SYNE1: variants seen among roughly 807,000 people sequenced by gnomAD.
SYNE1 encodes the protein spectrin repeat containing nuclear envelope protein 1.
Under a neutral mutation model 1,111.0 loss-of-function variants are expected in SYNE1, and 616 were observed. The ratio of observed to expected loss-of-function variants is 0.55; its 90% CI spans 0.52 to 0.59. The LOEUF (loss-of-function observed/expected upper bound fraction) is 0.59, where lower values mean the gene tolerates loss of function less well. SYNE1 is among the 20% of genes least tolerant of loss of function. The pLI is 0.00. For missense variants in SYNE1, 10,006 were observed against 10,417.0 expected (o/e 0.96, Z 1.72); for synonymous variants, 3,855 against 3,825.8 (o/e 1.01, Z -0.28).
chr6:152,250,631 T>C (rs2088902733), intron 104 of SYNE1, among the ~76,000 whole-genome samples: 2 of 152,202 alleles, frequency 1.3e-5, no homozygotes, highest in Admixed American at 1.3e-4. Context: ...GTCTAGTGGC[T>C]AACTAAATAG....
intron 99 of SYNE1, 141 bp from the exon 100 acceptor site, chr6:152,268,306 T>C (rs555555685): frequency 2.1e-5 from 15 of 698,208 alleles, no homozygotes; most frequent in Non-Finnish European, 3.6e-5. Context: ...ATGAGGTTTA[T>C]GTAAATATTC....
At chr6:152,325,378 T>C in intron 80 of SYNE1, 76 bp from the exon 81 acceptor site, 3 of 1,450,798 alleles carry the variant, frequency 2.1e-6, no homozygotes, top group Non-Finnish European at 2.9e-6. Context: ...TCTATGGATC[T>C]TGGTAAAGCC....
intron 39 of SYNE1, among the ~76,000 whole-genome samples, chr6:152,423,472 C>G (rs941987826): frequency 2.0e-5 from 3 of 152,232 alleles, no homozygotes; most frequent in African/African-American, 7.2e-5. Flanking sequence ...TACATTGACT[C>G]TGCACTCTTC....
At chr6:152,279,612 G>T (rs1049439685) in intron 97 of SYNE1, among the ~76,000 whole-genome samples, 2 of 151,796 alleles carry the variant, frequency 1.3e-5, no homozygotes, top group East Asian at 1.9e-4. Flanking sequence ...CCGCACTTGC[G>T]GGGCTGAGGT....
Position 152,236,873 on chromosome 6 carries a change from C to T in SYNE1, c.20143G>A (p.Val6715Met), listed in dbSNP as rs145185413. The change falls in exon 109 of 146, where the codon GTG (valine) becomes ATG (methionine). Residue 6715 changes from valine (V) to methionine (M), a missense_variant. Physicochemically the swap from Val to Met is conservative, Grantham distance 21 (BLOSUM62 1). Transcript: ENST00000367255. The stretch of plus-strand genomic sequence containing the variant: ...TCCTCGTTCTCCTCCACCAGACCCA[C>T]GCTTGGGATGCTGCTTTCCACCACC... ...LEVVESSIPSVGLVEENEDRL... is the reference protein window; with the variant it reads ...LEVVESSIPSMGLVEENEDRL... 3.1e-5 allele frequency: 50 copies of T among 1,614,070 alleles called. No individual in the cohort carries two copies. The highest frequency in any genetic ancestry group is 1.1e-4 in the African/African-American group (8 of 74,928).
At chr6:152,303,608 C>T (rs1254318937) in intron 91 of SYNE1, among the ~76,000 whole-genome samples, 5 of 151,860 alleles carry the variant, frequency 3.3e-5, no homozygotes. Context: ...ACAGATATTC[C>T]AGTTTCTGAT....
chr6:152,346,606 C>T (rs947654875), intron 73 of SYNE1, among the ~76,000 whole-genome samples: 1 of 152,014 alleles, frequency 6.6e-6, no homozygotes, highest in African/African-American at 2.4e-5. Context: ...GTCAGGAGAT[C>T]GAAACCATCC....
Position 152,331,141 on chromosome 6 carries a change from G to A in SYNE1, c.13544C>T (p.Ala4515Val). 1.2e-6 allele frequency: 2 copies of A among 1,613,968 alleles called. No individual in the cohort carries two copies. The highest frequency in any genetic ancestry group is 1.1e-5 in the South Asian group (1 of 91,064). The change falls in exon 78 of 146, where the codon GCC becomes GTC. Residue 4515 changes from alanine (A) to valine (V), a missense_variant. Transcript: ENST00000367255. The part of the protein sequence containing the change: ...TYQNEVTGLW[A>V]QGRELMKEVT... ...TTCCTTCATTAGTTCGCGACCCTGG[G>A]CCCAAAGTCCAGTGACTTCATTTTG...
At chr6:152,379,600 T>C (rs1312237727) in intron 56 of SYNE1, among the ~76,000 whole-genome samples, 1 of 152,138 alleles carries the variant, frequency 6.6e-6, no homozygotes, top group Non-Finnish European at 1.5e-5. Flanking sequence ...ATCTCCACTT[T>C]TAGATAAAAT....
chr6:152,544,118 T>C (rs895108707), intron 3 of SYNE1, among the ~76,000 whole-genome samples: 1 of 152,234 alleles, frequency 6.6e-6, no homozygotes, highest in Non-Finnish European at 1.5e-5. Context: ...AGAAGAGTTA[T>C]GAGAATTCAG....
rs2098419610 is a variant in SYNE1 at position 152,430,560 on chromosome 6, T to A, written c.4611A>T (p.Arg1537=). ...TTCCTTCCAGACACTGTGCATGCTC[T>A]CGAAGCTCTTCCCCGTATCTTCTTA... is the stretch of plus-strand genomic sequence containing the variant. ...TQIRRYGEEL[R]EHAQCLEGTI... is the part of the protein sequence containing the mutation. The change falls in exon 35 of 146, where the codon CGA becomes CGT. Residue 1537 remains arginine, a synonymous_variant. Coordinates refer to ENST00000367255, the MANE Select transcript of SYNE1 (RefSeq NM_182961.4). 6.2e-7 allele frequency: 1 copy of A among 1,614,050 alleles called. No individual in the cohort carries two copies. Among genetic ancestry groups the A allele is most frequent in the African/African-American group, 1.3e-5 (1 of 74,948 alleles).
rs777618601 is a variant in SYNE1 at position 152,225,801 on chromosome 6, T to G, written c.21271A>C (p.Asn7091His). Residue 7091 changes from asparagine (N) to histidine (H), a missense_variant, in exon 116 of 146, where the codon AAC becomes CAC. Physicochemically the swap from Asn to His is moderately conservative, Grantham distance 68. Transcript: ENST00000367255. The part of the protein sequence containing the change: ...IEQNGLALIQ[N>H]KKEDVSSIVM... ...ATGCTAGAGACGTCTTCTTTCTTGT[T>G]CTGAATCAAAGCAAGTCCATTCTGC... 5.6e-6 allele frequency: 9 copies of G among 1,613,988 alleles called. No individual in the cohort carries two copies. The Admixed American group carries it at 6.7e-5, about 12-fold the overall frequency.
chr6:152,580,016 T>C (rs1367928814), intron 3 of SYNE1, among the ~76,000 whole-genome samples: 1 of 151,996 alleles, frequency 6.6e-6, no homozygotes, highest in African/African-American at 2.4e-5. Flanking sequence ...TTATATTCAT[T>C]TGGGTATATA....
In SYNE1 at chr6:152,447,621, T is replaced by A. The variant is rs750101869; in HGVS notation, c.3506A>T (p.Glu1169Val). Residue 1169 changes from glutamate (E) to valine (V), a missense_variant and splice_region_variant, in exon 29 of 146, where the codon GAG becomes GTG. By Grantham distance (121) the Glu-to-Val change is moderately radical (BLOSUM62 -2). This residue lies in a region of SYNE1 where 1,971 missense variants were observed against 2,084.1 expected (regional missense o/e 0.95). Coordinates refer to ENST00000367255, the MANE Select transcript of SYNE1 (RefSeq NM_182961.4). ...CCTTTTGGTAACACCATTTCTGATC[T>A]CCTGAAATGAGAGAACACTTTTGAT... ...NHGEVKRAVE[E>V]IRNGVTKRGE... 2.3e-5 allele frequency: 37 copies of A among 1,614,030 alleles called. No individual in the cohort carries two copies. In the Admixed American group the frequency reaches 6.2e-4, roughly 27 times the overall value.
intron 104 of SYNE1, among the ~76,000 whole-genome samples, chr6:152,252,308 AAAAT>A (rs766186394): frequency 1.4e-4 from 21 of 150,670 alleles, no homozygotes; most frequent in African/African-American, 3.2e-4. Context: ...AATAAATAAT[AAAAT>A]AAATAAAATC....
At chr6:152,352,429 GT>G (rs2154040665) in intron 69 of SYNE1, 76 bp from the exon 70 acceptor site, 2 of 1,448,076 alleles carry the variant, frequency 1.4e-6, no homozygotes, top group Non-Finnish European at 1.9e-6. Context: ...TTGAGATGGA[GT>G]TTCACTTTGT....
rs2079449416 is a variant in SYNE1 at position 152,219,087 on chromosome 6, T to A, written c.21960A>T (p.Ser7320=). Residue 7320 remains serine, a synonymous_variant, in exon 120 of 146, where the codon TCA becomes TCT. Transcript: ENST00000367255. Reference sequence around the variant, plus strand: ...AAGAGAGTTGATCCGATTGAATAGCTGATGCTGCGGAAGCATCCACTTGTT... The same window carrying A: ...AAGAGAGTTGATCCGATTGAATAGCAGATGCTGCGGAAGCATCCACTTGTT... ...LKQQVDASAA[S]AIQSDQLSLS... 1.2e-6 allele frequency: 2 copies of A among 1,614,054 alleles called. No homozygotes were observed. The highest frequency in any genetic ancestry group is 1.7e-5 in the Admixed American group (1 of 60,010).
chr6:152,500,776 C>T (rs1423999426), intron 10 of SYNE1, among the ~76,000 whole-genome samples: 3 of 151,964 alleles, frequency 2.0e-5, no homozygotes, highest in East Asian at 1.9e-4. Flanking sequence ...AGTGAAACCC[C>T]GTCTCCACTA....
intron 3 of SYNE1, among the ~76,000 whole-genome samples, chr6:152,582,387 C>T (rs1227955043): frequency 3.3e-5 from 5 of 152,068 alleles, no homozygotes; most frequent in African/African-American, 1.2e-4. Flanking sequence ...CCTAGTCCCA[C>T]TCACCCCCTA....
Sources: gnomAD v4.1 joint callset for allele counts (sites outside exome capture counted in the v4.1 genomes callset) on GRCh38, gnomAD v4.1.1 for gene constraint, gnomAD v4.1.1 regional missense constraint, MANE v1.5 for transcripts, NCBI Gene and HGNC (gene_info 2026-07-23, HGNC 2026-07-21) for gene names.